Variants in ACVR2A observed in about 807,000 individuals in gnomAD.
The protein encoded by ACVR2A is activin receptor type-2A.
Under a neutral mutation model 61.4 loss-of-function variants are expected in ACVR2A, and 7 were observed. That is an observed-to-expected ratio of 0.11 (90% CI 0.06 to 0.21). The LOEUF (loss-of-function observed/expected upper bound fraction) is 0.21. Among genes scored for constraint, ACVR2A ranks in the 10% least tolerant of loss-of-function variants. The pLI is 1.00. For missense variants in ACVR2A, 322 were observed against 621.7 expected, an observed-to-expected ratio of 0.52 and a Z score of 5.13; for synonymous variants, 193 against 208.3, an observed-to-expected ratio of 0.93 and a Z score of 0.63.
intron 1 of ACVR2A, among the ~76,000 whole-genome samples, chr2:147,887,659 A>G (rs1345993557): frequency 2.6e-5 from 4 of 152,202 alleles, no homozygotes; most frequent in African/African-American, 2.4e-5. Flanking sequence ...TGAAATATGT[A>G]TATGTTGTGG....
chr2:147,920,787 CTTCA>C (rs1687361403), intron 8 of ACVR2A, among the ~76,000 whole-genome samples: 1 of 152,062 alleles, frequency 6.6e-6, no homozygotes, highest in Admixed American at 6.6e-5. Context: ...TTGTTTATTG[CTTCA>C]TTAATTTCTT....
At chr2:147,905,057 G>A (rs1187826555) in intron 4 of ACVR2A, among the ~76,000 whole-genome samples, 1 of 151,706 alleles carries the variant, frequency 6.6e-6, no homozygotes, top group Non-Finnish European at 1.5e-5. Context: ...ACATGCTTGT[G>A]GTATCAAGAC....
At chr2:147,879,185 T>C (rs1340583288) in intron 1 of ACVR2A, among the ~76,000 whole-genome samples, 1 of 152,192 alleles carries the variant, frequency 6.6e-6, no homozygotes, top group Non-Finnish European at 1.5e-5. Context: ...TTTTACTCTG[T>C]TTTGTGTTGC....
chr2:147,876,284 T>C (rs1333066692), intron 1 of ACVR2A, among the ~76,000 whole-genome samples: 1 of 152,140 alleles, frequency 6.6e-6, no homozygotes, highest in Admixed American at 6.6e-5. Context: ...ACTTCTTGCT[T>C]TTCTTTTTTA....
In ACVR2A at chr2:147,845,094, A is replaced by T. The variant is rs1573905952; in HGVS notation, c.-59A>T. ...ACCAGGAGGTTTGTCTCCGAGGAAG[A>T]CCCAGGGAACTGGATATCTAGCGAG... On this transcript the variant is annotated 5_prime_UTR_variant, in exon 1 of 11. Coordinates refer to ENST00000241416, the MANE Select transcript of ACVR2A (RefSeq NM_001616.5). 2.6e-5 allele frequency: 37 copies of T among 1,423,976 alleles called. No homozygotes were observed. The highest frequency in any genetic ancestry group is 3.4e-5 in the Non-Finnish European group (36 of 1,048,044). The allele number at this position is 1,423,976 out of a possible 1,614,324, so 88.2% of individuals were successfully genotyped here. A position where few individuals can be genotyped will look rare whatever the true frequency, so the allele number is the denominator to read the frequency against.
At chr2:147,892,856 A>G (rs949903055) in intron 1 of ACVR2A, among the ~76,000 whole-genome samples, 2 of 151,980 alleles carry the variant, frequency 1.3e-5, no homozygotes, top group Non-Finnish European at 1.5e-5. Context: ...ATATCATACC[A>G]TAACTCAAGA....
chr2:147,896,025 TAAC>T (rs1402970471), intron 1 of ACVR2A, among the ~76,000 whole-genome samples: 1 of 152,192 alleles, frequency 6.6e-6, no homozygotes, highest in East Asian at 1.9e-4. Context: ...TTCATAAAAT[TAAC>T]AATTTCTGTG....
rs535022657 is a variant in ACVR2A at position 147,882,840 on chromosome 2, C to T, written c.56-13461C>T. Among the ~76,000 whole-genome samples, 12 of 151,858 alleles carry T rather than the reference C, an allele frequency of 7.9e-5. No individual in the cohort carries two copies. The East Asian group carries it at 2.3e-3, about 29-fold the overall frequency. On this transcript the variant is annotated intron_variant, in intron 1 of 10. Transcript: ENST00000241416. ...GGAAAAAAAATTTCTGGGAAGAAAG[C>T]CAGACAATGTTTGTGTTTTCCTTTA...
chr2:147,916,023 T>G (rs1436085054), intron 5 of ACVR2A, among the ~76,000 whole-genome samples: 1 of 151,912 alleles, frequency 6.6e-6, no homozygotes, highest in African/African-American at 2.4e-5. Context: ...TTGGCTGGAT[T>G]TGGTGTTGCA....
intron 1 of ACVR2A, among the ~76,000 whole-genome samples, chr2:147,861,155 G>A (rs1224709762): frequency 6.6e-6 from 1 of 152,174 alleles, no homozygotes; most frequent in Non-Finnish European, 1.5e-5. Context: ...ATTAATTGCT[G>A]ATGCTGCTTG....
In ACVR2A at chr2:147,899,559, T is replaced by A; in HGVS notation, c.365T>A (p.Val122Asp). 1 of 1,612,238 alleles carries A rather than the reference T, an allele frequency of 6.2e-7. No homozygotes were observed. The highest frequency in any genetic ancestry group is 8.5e-7 in the Non-Finnish European group (1 of 1,178,690). Residue 122 changes from valine (V) to aspartate (D), a missense_variant, in exon 3 of 11, where the codon GTC becomes GAC. Val to Asp is a radical substitution (Grantham distance 152). Around this residue, in one of 3 missense-constraint regions of ACVR2A, gnomAD observed 142 missense variants for 200.3 expected, o/e 0.71. Transcript: ENST00000241416. ...TTTTCTTATTTTCCGGAGATGGAAG[T>A]CACACAGCGTAAGTTCACAGGGAAA... is the stretch of plus-strand genomic sequence containing the variant. ...EKFSYFPEME[V>D]TQPTSNPVTP...
intron 4 of ACVR2A, among the ~76,000 whole-genome samples, chr2:147,908,038 C>CAAAAAAAAAAAA (rs1200221673): frequency 1.5e-5 from 1 of 67,034 alleles, no homozygotes; most frequent in Non-Finnish European, 3.0e-5. Context: ...GACTCTGTTT[C>CAAAAAAAAAAAA]AAAAAAAAAA....
At position 147,890,644 on chromosome 2, in the gene ACVR2A, T is replaced by C. The variant is rs942241777; in HGVS notation, c.56-5657T>C. On this transcript the variant is annotated intron_variant, in intron 1 of 10. Transcript: ENST00000241416. ...TAGTAACTATTTAGAGTTACTTTGA[T>C]AGAATAAACCTATGGGTAGAGATTT... Among the ~76,000 whole-genome samples the C allele has an allele frequency of 7.2e-5, 11 of 152,284 alleles. No individual in the cohort carries two copies. The East Asian group carries it at 2.1e-3, about 29-fold the overall frequency.
intron 5 of ACVR2A, among the ~76,000 whole-genome samples, chr2:147,916,250 AGT>A (rs1687247615): frequency 6.6e-6 from 1 of 151,792 alleles, no homozygotes; most frequent in African/African-American, 2.4e-5. Context: ...TCAGAGAGAA[AGT>A]GTATTCTGTT....
At chr2:147,897,255 A>G (rs929519247) in intron 2 of ACVR2A, 2 of 151,894 alleles carry the variant, frequency 1.3e-5, no homozygotes, top group Admixed American at 6.6e-5. Context: ...TTATCCGCCT[A>G]CCTCAGCCTC....
In ACVR2A at chr2:147,908,060, AAAAG is replaced by A. The variant is rs1248861781; in HGVS notation, c.529-7127_529-7124del. 3.8e-3 allele frequency among the ~76,000 whole-genome samples: 426 copies of A among 113,242 alleles called. 2 individuals are homozygous for A. Among genetic ancestry groups the A allele is most frequent in the East Asian group, 0.013 (56 of 4,320 alleles). 74.3% of individuals were successfully genotyped at this position (113,242 alleles called of 152,430 possible). On this transcript the variant is annotated intron_variant, in intron 4 of 10. Coordinates refer to ENST00000241416, the MANE Select transcript of ACVR2A (RefSeq NM_001616.5). ...TTTCAAAAAAAAAAAAAAAAGAAAA[AAAAG>A]AAAAAAAAAGCAAAGTAGGATAAAG... is the stretch of plus-strand genomic sequence containing the variant.
At chr2:147,879,045 ATG>A (rs1225668104) in intron 1 of ACVR2A, among the ~76,000 whole-genome samples, 2 of 152,212 alleles carry the variant, frequency 1.3e-5, no homozygotes, top group Non-Finnish European at 2.9e-5. Context: ...TGGTAAATGT[ATG>A]TTTTTCAAAC....
At chr2:147,866,001 G>A (rs116694465) in intron 1 of ACVR2A, among the ~76,000 whole-genome samples, 1,727 of 152,250 alleles carry the variant, frequency 0.011, 25 homozygotes, top group African/African-American at 0.039. Flanking sequence ...TGTCAGGCCT[G>A]GTGAGTTGCT....
At chr2:147,879,414 T>C (rs138293944) in intron 1 of ACVR2A, among the ~76,000 whole-genome samples, 1 of 152,300 alleles carries the variant, frequency 6.6e-6, no homozygotes, top group African/African-American at 2.4e-5. Context: ...AGGCCCCACC[T>C]CTCAATACAC....
Sources: allele counts gnomAD v4.1 joint callset (sites outside exome capture counted in the v4.1 genomes callset), GRCh38; gene constraint gnomAD v4.1.1; regional missense constraint gnomAD v4.1.1; transcripts MANE v1.5; gene names NCBI Gene and HGNC (gene_info 2026-07-23, HGNC 2026-07-21).